Variants in MINK1 observed in about 807,000 individuals in gnomAD.
The protein encoded by MINK1 is misshapen like kinase 1.
MINK1 carries 46 observed loss-of-function variants against 178.4 expected under a neutral mutation model. That is an observed-to-expected ratio of 0.26 (90% CI 0.20 to 0.33). The LOEUF (loss-of-function observed/expected upper bound fraction) is 0.33, where lower values mean the gene tolerates loss of function less well. MINK1 is among the 10% of genes least tolerant of loss of function. The probability of loss-of-function intolerance (pLI) is 1.00; values close to 1 mark genes in which losing one functional copy is unlikely to be tolerated. For synonymous variants in MINK1, 797 were observed against 709.7 expected (o/e 1.12, Z -1.96); for missense variants, 1,366 against 1,814.9 (o/e 0.75, Z 4.49).
intron 1 of MINK1, among the ~76,000 whole-genome samples, chr17:4,843,203 G>T (rs1337485072): frequency 6.6e-6 from 1 of 152,144 alleles, no homozygotes; most frequent in African/African-American, 2.4e-5. Context: ...TGGGCTGGGC[G>T]CAGTGGCTCA....
chr17:4,846,606 C>G (rs1328175642), intron 1 of MINK1, among the ~76,000 whole-genome samples: 7 of 152,190 alleles, frequency 4.6e-5, no homozygotes, highest in African/African-American at 1.7e-4. Flanking sequence ...TTCCCATCAC[C>G]ATCGCCAATA....
rs528570871 is a variant in MINK1, at chr17:4,894,092, G to A, written c.2669G>A (p.Arg890His). ...GGGGGCGGCACCATGGTGGTCCAGCGCGTGAGTGAGCCTCTGCTCCCTCCC... is the reference window on the plus strand; with the variant it reads ...GGGGGCGGCACCATGGTGGTCCAGCACGTGAGTGAGCCTCTGCTCCCTCCC... ...PYGGGTMVVQ[R>H]TPEEERNLLH... Residue 890 changes from arginine to histidine, a missense_variant and splice_region_variant, in exon 22 of 32, where the codon CGC (arginine) becomes CAC (histidine). Physicochemically the swap from Arg to His is conservative, Grantham distance 29. Transcript: ENST00000355280. The surrounding 1 kb of genome is among the most constrained non-coding windows in gnomAD (Gnocchi z 4.1). The A allele has an allele frequency of 2.2e-5, 35 of 1,593,788 alleles. No homozygotes were observed. The highest frequency in any genetic ancestry group is 8.7e-5 in the Admixed American group (5 of 57,434).
chr17:4,857,668 A>C (rs1913420469), intron 1 of MINK1, among the ~76,000 whole-genome samples: 1 of 151,746 alleles, frequency 6.6e-6, no homozygotes, highest in South Asian at 2.1e-4. Flanking sequence ...GGGTTTCACC[A>C]TGTTGCCCCG....
intron 2 of MINK1, among the ~76,000 whole-genome samples, chr17:4,880,243 G>T (rs2150987672): frequency 6.6e-6 from 1 of 152,098 alleles, no homozygotes; most frequent in African/African-American, 2.4e-5. Context: ...ACTCCCATGA[G>T]CAGCACATTC....
intron 5 of MINK1, 90 bp downstream of exon 5, chr17:4,884,563 G>A (rs1373883405): frequency 1.1e-6 from 1 of 951,322 alleles, no homozygotes; most frequent in Non-Finnish European, 1.7e-6. Context: ...GCTGGGAGGA[G>A]ACATCACTGC....
chr17:4,879,420 T>C (rs535148996), intron 2 of MINK1, among the ~76,000 whole-genome samples: 2 of 152,354 alleles, frequency 1.3e-5, no homozygotes, highest in African/African-American at 4.8e-5. Context: ...TGAGACCACC[T>C]GCCTTTCTCT....
At position 4,887,691 on chromosome 17, in the gene MINK1, G is replaced by A. The variant is rs577939118; in HGVS notation, c.1131G>A (p.Gln377=). ...TAAAACAGCAGCAGCAGCTGCAGCA[G>A]CAGCAGCAGCGAGACCCCGAGGCAC... ...EALKQQQQLQ[Q]QQQRDPEAHI... The change falls in exon 12 of 32, where the codon CAG becomes CAA. Residue 377 remains glutamine, a synonymous_variant. Coordinates refer to ENST00000355280, the MANE Select transcript of MINK1 (RefSeq NM_153827.5). This position sits in a 1 kb window ranked among gnomAD's most constrained non-coding sequence, Gnocchi z 7.6. 1.3e-6 allele frequency: 2 copies of A among 1,560,998 alleles called. No individual in the cohort carries two copies. Among genetic ancestry groups the A allele is most frequent in the South Asian group, 1.2e-5 (1 of 84,624 alleles).
At chr17:4,891,956 C>T (rs944207579) in intron 16 of MINK1, among the ~76,000 whole-genome samples, 193 bp from the exon 17 acceptor site, 5 of 152,122 alleles carry the variant, frequency 3.3e-5, no homozygotes, top group African/African-American at 1.2e-4. Context: ...CGCTAAGGGG[C>T]AGACTTTGCC....
chr17:4,893,994 T>C lies in MINK1; in HGVS notation c.2571T>C (p.Asp857=). Residue 857 remains aspartate (D), a synonymous_variant, in exon 22 of 32, where the codon GAT becomes GAC. Coordinates refer to ENST00000355280, the MANE Select transcript of MINK1 (RefSeq NM_153827.5). ...CCACCTTCCTCTCTCACAGCAGCGA[T>C]GGGGATACAGACAGCGTCAGCACCA... ...GSRDTPGGRS[D]GDTDSVSTMV... 1 of 1,578,498 alleles carries C rather than the reference T, an allele frequency of 6.3e-7. No homozygotes were observed. Among genetic ancestry groups the C allele is most frequent in the Non-Finnish European group, 8.6e-7 (1 of 1,162,602 alleles).
At chr17:4,890,890 C>T in intron 14 of MINK1, 61 bp from the exon 15 acceptor site, 1 of 1,546,948 alleles carries the variant, frequency 6.5e-7, no homozygotes, top group Non-Finnish European at 8.7e-7. Context: ...GCAGGTGGGA[C>T]CCTCAGTTTT....
At chr17:4,850,916 C>A in intron 1 of MINK1, 1 of 412,926 alleles carries the variant, frequency 2.4e-6, no homozygotes. Flanking sequence ...CTCCTTTCTG[C>A]CCCCTCCCAC....
At chr17:4,888,002 G>C (rs1230033432) in intron 12 of MINK1, among the ~76,000 whole-genome samples, 1 of 152,210 alleles carries the variant, frequency 6.6e-6, no homozygotes, top group African/African-American at 2.4e-5. Context: ...GATCACCTGA[G>C]GTCAGGAGTT....
chr17:4,871,915 T>C (rs1402050610), intron 1 of MINK1, among the ~76,000 whole-genome samples: 3 of 152,122 alleles, frequency 2.0e-5, no homozygotes, highest in Non-Finnish European at 4.4e-5. Context: ...GGCATGACCA[T>C]AGCTCACTGT....
intron 1 of MINK1, among the ~76,000 whole-genome samples, chr17:4,874,497 A>G (rs1966992329): frequency 6.6e-6 from 1 of 152,218 alleles, no homozygotes; most frequent in African/African-American, 2.4e-5. Context: ...CAGTGGCAGC[A>G]GAAGGAAGAC....
At position 4,886,953 on chromosome 17, in the gene MINK1, C is replaced by T. The variant is rs190872070; in HGVS notation, c.950-157C>T. 1.2e-3 allele frequency among the ~76,000 whole-genome samples: 183 copies of T among 152,354 alleles called. No homozygotes were observed. The highest frequency in any genetic ancestry group is 1.5e-3 in the Non-Finnish European group (101 of 68,034). On this transcript the variant is annotated intron_variant, in intron 10 of 31. Coordinates refer to ENST00000355280, the MANE Select transcript of MINK1 (RefSeq NM_153827.5). This position sits in a 1 kb window ranked among gnomAD's most constrained non-coding sequence, Gnocchi z 6.1. The stretch of plus-strand genomic sequence containing the variant: ...AGTCCCGGTCCTGTCCAGGCCCACA[C>T]CTGAGACCCGCTGTCCTCCCATTGC...
intron 1 of MINK1, among the ~76,000 whole-genome samples, chr17:4,877,298 G>C (rs1400104095): frequency 6.6e-6 from 1 of 152,218 alleles, no homozygotes; most frequent in African/African-American, 2.4e-5. Context: ...GGGAGGACGA[G>C]CCTCTTTAGA....
chr17:4,893,234 CCT>C, intron 20 of MINK1, 167 bp downstream of exon 20: 1 of 1,610,206 alleles, frequency 6.2e-7, no homozygotes, highest in Non-Finnish European at 8.5e-7. Flanking sequence ...TCTCTCCTAA[CCT>C]CTCTCCTAAC....
chr17:4,848,421 C>T (rs1227532955), intron 1 of MINK1, among the ~76,000 whole-genome samples: 3 of 152,184 alleles, frequency 2.0e-5, no homozygotes, highest in South Asian at 2.1e-4. Context: ...AGTGCAGTGG[C>T]GTGATCTCGG....
At chr17:4,857,156 G>A in intron 1 of MINK1, 2 of 267,536 alleles carry the variant, frequency 7.5e-6, no homozygotes, top group South Asian at 4.0e-5. Flanking sequence ...TGGCAGGGGG[G>A]ACAGCCGCCA....
Sources: gnomAD v4.1 joint callset for allele counts (sites outside exome capture counted in the v4.1 genomes callset) on GRCh38, gnomAD v4.1.1 for gene constraint, Gnocchi (gnomAD v3.1) non-coding constraint, MANE v1.5 for transcripts, NCBI Gene and HGNC (gene_info 2026-07-23, HGNC 2026-07-21) for gene names.